PTPA: variants seen among roughly 807,000 people sequenced by gnomAD.
PTPA encodes protein phosphatase 2 phosphatase activator.
A neutral mutation model predicts 43.6 loss-of-function variants in PTPA; 13 were observed. That is an observed-to-expected ratio of 0.30 (90% CI 0.19 to 0.47). The LOEUF is 0.47. Among genes scored for constraint, PTPA ranks in the 20% least tolerant of loss-of-function variants. The pLI, the probability that PTPA is intolerant of heterozygous loss-of-function variation, is 0.99. For missense variants in PTPA, 329 were observed against 411.9 expected (o/e 0.80, Z 1.74); for synonymous variants, 172 against 158.2 (o/e 1.09, Z -0.66).
At chr9:129,112,306 G>A (rs1268524656) in intron 1 of PTPA, among the ~76,000 whole-genome samples, 1 of 152,222 alleles carries the variant, frequency 6.6e-6, no homozygotes, top group African/African-American at 2.4e-5. Flanking sequence ...TGCTACGGAA[G>A]GATCTTAGAG....
rs1477118713 is a variant in PTPA at position 129,147,497 on chromosome 9, A to G, written c.*33A>G. 1 of 1,598,402 alleles carries G rather than the reference A, an allele frequency of 6.3e-7. No individual in the cohort carries two copies. Among genetic ancestry groups the G allele is most frequent in the South Asian group, 1.1e-5 (1 of 90,748 alleles). On this transcript the variant is annotated 3_prime_UTR_variant, in exon 10 of 10. Coordinates refer to ENST00000393370, the MANE Select transcript of PTPA (RefSeq NM_178000.3). Reference sequence around the variant, plus strand: ...CAAGCCGAAGAGCCACCCAGGCCACAGTTCCTGTGCCTGCCTTCCCCACCC... The same window carrying G: ...CAAGCCGAAGAGCCACCCAGGCCACGGTTCCTGTGCCTGCCTTCCCCACCC...
In PTPA at chr9:129,128,286, A is replaced by C. The variant is rs145588744; in HGVS notation, c.217-699A>C. On this transcript the variant is annotated intron_variant, in intron 3 of 9. Transcript: ENST00000393370. ...CACGGTGGCTCACGCTTGTAATCCC[A>C]GAACTTTGGGAGGCCGATGCAGGTG... is the stretch of plus-strand genomic sequence containing the variant. 9.7e-3 allele frequency among the ~76,000 whole-genome samples: 1,476 copies of C among 152,312 alleles called. 47 individuals are homozygous for C. In the East Asian group the frequency reaches 0.12, roughly 12 times the overall value.
intron 4 of PTPA, among the ~76,000 whole-genome samples, chr9:129,130,914 G>A (rs553274906): frequency 4.6e-5 from 7 of 152,242 alleles, no homozygotes; most frequent in African/African-American, 1.7e-4. Context: ...CCATGTTTCT[G>A]AACTTCGTAT....
At chr9:129,138,296 T>TG (rs1270406413) in intron 8 of PTPA, among the ~76,000 whole-genome samples, 1 of 152,196 alleles carries the variant, frequency 6.6e-6, no homozygotes, top group Non-Finnish European at 1.5e-5. Context: ...CAGGATTCCT[T>TG]GCAGTGGGCC....
chr9:129,141,715 A>G (rs1415852974), intron 8 of PTPA: 1 of 152,262 alleles, frequency 6.6e-6, no homozygotes, highest in African/African-American at 2.4e-5. Flanking sequence ...TGCCTCTTTC[A>G]GCTGCTGTGG....
At chr9:129,137,813 G>A (rs1364068578) in intron 8 of PTPA, 121 bp downstream of exon 8, 17 of 929,444 alleles carry the variant, frequency 1.8e-5, no homozygotes, top group South Asian at 5.6e-5. Context: ...AGGGCCGGCC[G>A]GAGCGGGTTA....
intron 3 of PTPA, among the ~76,000 whole-genome samples, chr9:129,126,038 C>T (rs1014773026): frequency 5.3e-5 from 8 of 151,870 alleles, no homozygotes; most frequent in African/African-American, 1.9e-4. Context: ...GTCCCAGCTA[C>T]TTCGGAGGTG....
chr9:129,120,485 G>C (rs1286581011), intron 1 of PTPA, 28 bp from the exon 2 acceptor site: 2 of 1,544,180 alleles, frequency 1.3e-6, no homozygotes, highest in Non-Finnish European at 8.9e-7. Context: ...CTATTTATCT[G>C]TTTGTTTTTT....
At chr9:129,144,408 C>A (rs528259668) in intron 9 of PTPA, among the ~76,000 whole-genome samples, 1 of 152,130 alleles carries the variant, frequency 6.6e-6, no homozygotes, top group Admixed American at 6.5e-5. Flanking sequence ...GGGACAGGCT[C>A]CTGTATAGGG....
At chr9:129,137,453 C>G in intron 7 of PTPA, 139 bp from the exon 8 acceptor site, 1 of 640,708 alleles carries the variant, frequency 1.6e-6, no homozygotes, top group South Asian at 1.9e-5. Context: ...CCCAGAGTTA[C>G]TTATTGCTCC....
chr9:129,111,656 G>A, intron 1 of PTPA, 25 bp downstream of exon 1: 1 of 1,279,632 alleles, frequency 7.8e-7, no homozygotes, highest in Non-Finnish European at 9.9e-7. Flanking sequence ...GCCAGGCCGG[G>A]CCGGGGTCGG....
chr9:129,122,781 T>TA (rs1849332710), intron 2 of PTPA, among the ~76,000 whole-genome samples: 1 of 152,210 alleles, frequency 6.6e-6, no homozygotes, highest in South Asian at 2.1e-4. Context: ...GGCTATTGTG[T>TA]AAAAAAACTG....
chr9:129,123,418 GC>G (rs1849384752), intron 3 of PTPA, among the ~76,000 whole-genome samples: 1 of 151,644 alleles, frequency 6.6e-6, no homozygotes. Context: ...CTTGCAGTGA[GC>G]TGAGATCGCG....
At chr9:129,121,146 A>G (rs1464650597) in intron 2 of PTPA, among the ~76,000 whole-genome samples, 1 of 152,222 alleles carries the variant, frequency 6.6e-6, no homozygotes, top group East Asian at 1.9e-4. Flanking sequence ...CTTGTGGTAC[A>G]GGCTGTGGAA....
chr9:129,127,980 A>G (rs949678904), intron 3 of PTPA: 1 of 1,338,508 alleles, frequency 7.5e-7, no homozygotes, highest in African/African-American at 1.5e-5. Flanking sequence ...AATGAGGTTC[A>G]TGAGGAAAAG....
At chr9:129,147,040 C>T (rs1192902627) in intron 9 of PTPA, among the ~76,000 whole-genome samples, 1 of 152,332 alleles carries the variant, frequency 6.6e-6, no homozygotes, top group East Asian at 1.9e-4. Context: ...TTCTCTAGAA[C>T]TGGGACCTGG....
chr9:129,142,796 T>C (rs1159412803), intron 9 of PTPA: 1 of 1,535,746 alleles, frequency 6.5e-7, no homozygotes, highest in Admixed American at 2.0e-5. Flanking sequence ...CCTGATGAGC[T>C]TGGAGGCTGA....
At chr9:129,141,063 G>A (rs1011921522) in intron 8 of PTPA, among the ~76,000 whole-genome samples, 2 of 152,140 alleles carry the variant, frequency 1.3e-5, no homozygotes, top group Non-Finnish European at 2.9e-5. Context: ...GGAGGAGCCT[G>A]TTGTCCTTGC....
intron 2 of PTPA, among the ~76,000 whole-genome samples, 169 bp from the exon 3 acceptor site, chr9:129,122,883 G>T (rs1181769817): frequency 6.6e-6 from 1 of 152,184 alleles, no homozygotes; most frequent in African/African-American, 2.4e-5. Flanking sequence ...GAGGGTAGGG[G>T]TCGGTATTTG....
Sources: gnomAD v4.1 joint callset for allele counts (sites outside exome capture counted in the v4.1 genomes callset) on GRCh38, gnomAD v4.1.1 for gene constraint, MANE v1.5 for transcripts, NCBI Gene and HGNC (gene_info 2026-07-23, HGNC 2026-07-21) for gene names.